SEC24C: variants seen among roughly 807,000 people sequenced by gnomAD.
SEC24C encodes protein transport protein Sec24C.
A neutral mutation model predicts 117.0 loss-of-function variants in SEC24C; 22 were observed. The observed-to-expected ratio is 0.19, with a 90% CI of 0.13 to 0.27. The LOEUF is 0.27. SEC24C is among the 10% of genes least tolerant of loss of function. SEC24C has a pLI of 1.00. For synonymous variants in SEC24C, 506 were observed against 529.4 expected, an observed-to-expected ratio of 0.96 and a Z score of 0.61; for missense variants, 1,155 against 1,375.1, an observed-to-expected ratio of 0.84 and a Z score of 2.53.
At chr10:73,766,696 G>A (rs1280291032) in intron 12 of SEC24C, 64 bp from the exon 13 acceptor site, 11 of 1,505,400 alleles carry the variant, frequency 7.3e-6, no homozygotes, top group East Asian at 4.5e-5. Context: ...TCAGGGAATC[G>A]AGAACTGAGG....
rs2082842448 is a variant in SEC24C at position 73,764,072 on chromosome 10, C to T, written c.1227+89C>T. 4.2e-6 allele frequency: 6 copies of T among 1,444,008 alleles called. No homozygotes were observed. In the East Asian group the frequency reaches 7.8e-5, roughly 19 times the overall value. The allele number at this position is 1,444,008 out of a possible 1,614,324, so 89.4% of individuals were successfully genotyped here. A position where few individuals can be genotyped will look rare whatever the true frequency, so the allele number is the denominator to read the frequency against. ...CTTCCTGGATGTGATTCCAGCTTCA[C>T]AATGGAAGATATTTTAGTTAGGCAG... On this transcript the variant is annotated intron_variant, in intron 8 of 22. Transcript: ENST00000345254.
intron 5 of SEC24C, 44 bp downstream of exon 5, chr10:73,760,430 C>A (rs1344891886): frequency 3.3e-6 from 5 of 1,517,054 alleles, no homozygotes; most frequent in Non-Finnish European, 4.4e-6. Context: ...GAGGCTTCAG[C>A]TACTCAGGTG....
rs763388042 is a variant in SEC24C at position 73,770,527 on chromosome 10, T to A, written c.3054+56T>A. 3 of 1,592,138 alleles carry A rather than the reference T, an allele frequency of 1.9e-6. No homozygotes were observed. In the South Asian group the frequency reaches 3.3e-5, roughly 18 times the overall value. On this transcript the variant is annotated intron_variant, in intron 21 of 22. Transcript: ENST00000345254. The stretch of plus-strand genomic sequence containing the variant: ...TGTGGAAGTATACTTTGTGAAACAA[T>A]TGGGAGCCAATATAGTTAGTGTGCT...
chr10:73,768,068 G>A, intron 15 of SEC24C, 61 bp downstream of exon 15: 1 of 1,489,986 alleles, frequency 6.7e-7, no homozygotes, highest in East Asian at 2.3e-5. Flanking sequence ...GCTTATATAT[G>A]CAGTGGCTGA....
At chr10:73,749,495 G>A (rs2082611880) in intron 2 of SEC24C, among the ~76,000 whole-genome samples, 1 of 150,024 alleles carries the variant, frequency 6.7e-6, no homozygotes, top group African/African-American at 2.5e-5. Context: ...ATCTGATGCT[G>A]TTCTAGGTTC....
At chr10:73,766,578 G>T (rs376645830) in intron 12 of SEC24C, 37 bp downstream of exon 12, 301 of 1,570,772 alleles carry the variant, frequency 1.9e-4, no homozygotes, top group Non-Finnish European at 2.5e-4. Flanking sequence ...GTTGGGGGTG[G>T]CATGGGTACC....
chr10:73,745,067 G>T (rs914769286), intron 1 of SEC24C, among the ~76,000 whole-genome samples: 4 of 152,140 alleles, frequency 2.6e-5, no homozygotes, highest in Admixed American at 1.3e-4. Flanking sequence ...TTTAGACCAG[G>T]ATCAGCTCCT....
At chr10:73,766,904 A>C (rs1200472286) in intron 13 of SEC24C, 51 bp downstream of exon 13, 1 of 1,537,400 alleles carries the variant, frequency 6.5e-7, no homozygotes, top group Non-Finnish European at 9.0e-7. Context: ...TCCTCTGACC[A>C]TCTTATCCCC....
chr10:73,765,705 A>G, intron 9 of SEC24C, 95 bp from the exon 10 acceptor site: 3 of 1,560,898 alleles, frequency 1.9e-6, no homozygotes, highest in African/African-American at 1.4e-5. Flanking sequence ...AGTAGGGCAC[A>G]TGGGAATGAG....
chr10:73,762,223 C>T, intron 6 of SEC24C: 1 of 1,169,070 alleles, frequency 8.6e-7, no homozygotes, highest in South Asian at 1.3e-5. Flanking sequence ...GCCATCCATG[C>T]ATGCCTGTGA....
intron 2 of SEC24C, among the ~76,000 whole-genome samples, chr10:73,749,040 G>A (rs2082605328): frequency 6.6e-6 from 1 of 152,204 alleles, no homozygotes; most frequent in Non-Finnish European, 1.5e-5. Flanking sequence ...ACCACGCCCA[G>A]CTGTCTTCCC....
At chr10:73,755,056 C>T (rs2082690794) in intron 3 of SEC24C, among the ~76,000 whole-genome samples, 1 of 151,804 alleles carries the variant, frequency 6.6e-6, no homozygotes, top group African/African-American at 2.4e-5. Flanking sequence ...TGGCTTGAAA[C>T]CAAGAGGCGG....
Position 73,765,798 on chromosome 10 carries a change from A to C in SEC24C, c.1367-2A>C, listed in dbSNP as rs2082873670. 1 of 1,612,840 alleles carries C rather than the reference A, an allele frequency of 6.2e-7. No individual in the cohort carries two copies. The highest frequency in any genetic ancestry group is 8.5e-7 in the Non-Finnish European group (1 of 1,178,946). ...AGTAACACACTGCCATGCTTCCCAC[A>C]GTTCCCCCCCAGTATTTTCAGCACC... On this transcript the variant is annotated splice_acceptor_variant, in intron 9 of 22. Coordinates refer to ENST00000345254, the MANE Select transcript of SEC24C (RefSeq NM_198597.3). LOFTEE classifies it high-confidence loss of function.
In SEC24C at chr10:73,746,622, G is replaced by A. The variant is rs2082557267; in HGVS notation, c.-28-183G>A. On this transcript the variant is annotated intron_variant, in intron 1 of 22. Coordinates refer to ENST00000345254, the MANE Select transcript of SEC24C (RefSeq NM_198597.3). ...GGATGGTCAGAATAACAAAATCCTTGCTTTTAGGAGATAATCTGAATGCTG... is the reference window on the plus strand; with the variant it reads ...GGATGGTCAGAATAACAAAATCCTTACTTTTAGGAGATAATCTGAATGCTG... 19 of 461,156 alleles carry A rather than the reference G, an allele frequency of 4.1e-5. No individual in the cohort carries two copies. In the South Asian group the frequency reaches 8.0e-4, roughly 20 times the overall value. 28.6% of individuals were successfully genotyped at this position (461,156 alleles called of 1,614,324 possible).
At chr10:73,746,181 A>AAG (rs2082549992) in intron 1 of SEC24C, among the ~76,000 whole-genome samples, 1 of 151,644 alleles carries the variant, frequency 6.6e-6, no homozygotes, top group Non-Finnish European at 1.5e-5. Flanking sequence ...AAAAAAAAAA[A>AAG]ACCTTCAGTT....
At position 73,765,884 on chromosome 10, in the gene SEC24C, A is replaced by G. The variant is rs2082875066; in HGVS notation, c.1451A>G (p.Tyr484Cys). 3 of 1,614,010 alleles carry G rather than the reference A, an allele frequency of 1.9e-6. No homozygotes were observed. Among genetic ancestry groups the G allele is most frequent in the Non-Finnish European group, 8.5e-7 (1 of 1,179,994 alleles). The change falls in exon 10 of 23, where the codon TAT becomes TGT. Residue 484 changes from tyrosine to cysteine, a missense_variant. Transcript: ENST00000345254. ...YDRPELSLGS[Y>C]EFLATVDYCK... ...CGCCCTGAGCTATCCCTGGGCTCTT[A>G]TGAATTCTTGGCCACTGTAGATTAC... is the stretch of plus-strand genomic sequence containing the variant.
At chr10:73,750,463 T>C (rs1295992429) in intron 2 of SEC24C, among the ~76,000 whole-genome samples, 3 of 152,192 alleles carry the variant, frequency 2.0e-5, no homozygotes, top group African/African-American at 7.2e-5. Flanking sequence ...ACAGCTTTTG[T>C]GAGGACATAG....
intron 7 of SEC24C, 127 bp from the exon 8 acceptor site, chr10:73,763,729 G>T (rs1449022794): frequency 8.5e-6 from 5 of 584,818 alleles, no homozygotes; most frequent in Non-Finnish European, 1.3e-5. Flanking sequence ...GTTCCCTCTA[G>T]TCCCTCTGGG....
chr10:73,746,762 C>T (rs564383307), intron 1 of SEC24C, 43 bp from the exon 2 acceptor site: 5 of 1,433,484 alleles, frequency 3.5e-6, no homozygotes, highest in Non-Finnish European at 4.8e-6. Flanking sequence ...TAGTTGCTCT[C>T]TTTAGAAAGT....
Sources: gnomAD v4.1 joint callset for allele counts (sites outside exome capture counted in the v4.1 genomes callset) on GRCh38, gnomAD v4.1.1 for gene constraint, MANE v1.5 for transcripts, NCBI Gene and HGNC (gene_info 2026-07-23, HGNC 2026-07-21) for gene names.